Variants in PER2 observed in about 807,000 individuals in gnomAD.
PER2 encodes the protein period circadian protein homolog 2.
Under a neutral mutation model 121.0 loss-of-function variants are expected in PER2, and 66 were observed. That is an observed-to-expected ratio of 0.55 (90% confidence interval 0.45 to 0.67). The LOEUF (loss-of-function observed/expected upper bound fraction) is 0.67. Among genes scored for constraint, PER2 ranks in the 30% least tolerant of loss-of-function variants. The pLI is 0.00. For missense variants in PER2, 1,521 were observed against 1,635.0 expected (o/e 0.93, Z 1.20); for synonymous variants, 684 against 659.9 (o/e 1.04, Z -0.56).
intron 5 of PER2, among the ~76,000 whole-genome samples, chr2:238,272,491 A>C (rs981494139): frequency 6.6e-6 from 1 of 152,216 alleles, no homozygotes; most frequent in East Asian, 1.9e-4. Flanking sequence ...CTGGAGGAAG[A>C]AGATGGGAAG....
chr2:238,276,738 G>A (rs1014660939), intron 3 of PER2, among the ~76,000 whole-genome samples: 1 of 152,180 alleles, frequency 6.6e-6, no homozygotes, highest in Non-Finnish European at 1.5e-5. Flanking sequence ...AGGTTTCTCA[G>A]GCAATGCAAA....
Position 238,268,308 on chromosome 2 carries a change from C to CAGGCAGAGCAGAGG in PER2, c.825-111_825-110insCCTCTGCTCTGCCT. 1.4e-5 allele frequency: 16 copies of CAGGCAGAGCAGAGG among 1,141,748 alleles called. No homozygotes were observed. The highest frequency in any genetic ancestry group is 1.8e-5 in the Non-Finnish European group (14 of 780,864). The allele number at this position is 1,141,748 out of a possible 1,614,324, so 70.7% of individuals were successfully genotyped here. A position where few individuals can be genotyped will look rare whatever the true frequency, so the allele number is the denominator to read the frequency against. On this transcript the variant is annotated intron_variant, in intron 7 of 22. Transcript: ENST00000254657. This position sits in a 1 kb window ranked among gnomAD's most constrained non-coding sequence, Gnocchi z 4.0. ...GCCATGCTGCAGGTGATGTGTACCT[C>CAGGCAGAGCAGAGG]TGCTCTGCCTGAGGAGCTGGGCCTG...
Position 238,263,204 on chromosome 2 carries a change from C to G in PER2, c.1047-146G>C, listed in dbSNP as rs1695990702. 7.4e-6 allele frequency: 5 copies of G among 672,042 alleles called. No homozygotes were observed. The South Asian group carries it at 7.7e-5, about 10-fold the overall frequency. The allele number at this position is 672,042 out of a possible 1,614,324, so 41.6% of individuals were successfully genotyped here. A position where few individuals can be genotyped will look rare whatever the true frequency, so the allele number is the denominator to read the frequency against. ...CCCCGGAGATCAAAAGTTGGACTAA[C>G]AGAACCAGCTAGACTTTTAATCAAT... is the stretch of plus-strand genomic sequence containing the variant. On this transcript the variant is annotated intron_variant, in intron 9 of 22. Transcript: ENST00000254657.
intron 22 of PER2, among the ~76,000 whole-genome samples, chr2:238,247,966 T>C (rs1002282657): frequency 2.6e-5 from 4 of 152,228 alleles, no homozygotes; most frequent in African/African-American, 9.6e-5. Flanking sequence ...GGCTTGGACC[T>C]GTGTGGTGAT....
At chr2:238,293,044 CT>C (rs34255262), upstream of PER2, among the ~76,000 whole-genome samples, 30 of 146,640 alleles carry the variant, frequency 2.0e-4, no homozygotes, top group Admixed American at 4.1e-4. Context: ...CCTTGTTTTG[CT>C]TTTTTTTTTT....
At chr2:238,279,987 C>T (rs1696581916) in intron 1 of PER2, among the ~76,000 whole-genome samples, 1 of 152,200 alleles carries the variant, frequency 6.6e-6, no homozygotes, top group Non-Finnish European at 1.5e-5. Flanking sequence ...GCTCTACCAC[C>T]AGGAAGATGC....
upstream of PER2, among the ~76,000 whole-genome samples, chr2:238,294,880 G>A (rs964953775): frequency 3.3e-5 from 5 of 152,224 alleles, no homozygotes; most frequent in African/African-American, 1.2e-4. Context: ...CTTGGCGAAT[G>A]CAGGTGCTCC....
chr2:238,269,554 C>T (rs1431856580), intron 6 of PER2, among the ~76,000 whole-genome samples: 4 of 130,220 alleles, frequency 3.1e-5, no homozygotes, highest in African/African-American at 1.4e-4. Context: ...ACACACCAAC[C>T]TGCAACTGAA....
chr2:238,297,981 T>C, the PER2 span, among the ~76,000 whole-genome samples: 1 of 151,994 alleles, frequency 6.6e-6, no homozygotes, highest in African/African-American at 2.4e-5. Context: ...TCTTCCTTTT[T>C]TCTCCACTCT....
rs1695688412 is a variant in PER2, at chr2:238,253,999, C to A, written c.2321-297G>T. ...AATGCTAATATGATAAGTGGTAATA[C>A]AAAGTTCTATTTGTTAAATAAATAC... On this transcript the variant is annotated intron_variant, in intron 18 of 22. Coordinates refer to ENST00000254657, the MANE Select transcript of PER2 (RefSeq NM_022817.3). This position sits in a 1 kb window ranked among gnomAD's most constrained non-coding sequence, Gnocchi z 5.6. 6.6e-6 allele frequency among the ~76,000 whole-genome samples: 1 copy of A among 152,174 alleles called. No individual in the cohort carries two copies. Among genetic ancestry groups the A allele is most frequent in the African/African-American group, 2.4e-5 (1 of 41,442 alleles).
intron 3 of PER2, 22 bp from the exon 4 acceptor site, chr2:238,275,919 C>T (rs936477562): frequency 2.7e-5 from 44 of 1,613,756 alleles, no homozygotes; most frequent in Non-Finnish European, 3.6e-5. Context: ...AAGAAAGAGG[C>T]AGCCAAATGT....
At chr2:238,278,498 A>G (rs2106326001) in intron 1 of PER2, among the ~76,000 whole-genome samples, 1 of 152,346 alleles carries the variant, frequency 6.6e-6, no homozygotes, top group African/African-American at 2.4e-5. Context: ...AGCCCGACAT[A>G]GAGCTGCTGA....
rs80292232 is a variant in PER2 at position 238,253,169 on chromosome 2, G to A, written c.2854C>T (p.Arg952Trp). Residue 952 changes from arginine (R) to tryptophan (W), a missense_variant, in exon 19 of 23, where the codon CGG becomes TGG. Physicochemically the swap from Arg to Trp is moderately radical, Grantham distance 101. Transcript: ENST00000254657. This position sits in a 1 kb window ranked among gnomAD's most constrained non-coding sequence, Gnocchi z 5.6. ...ASASQPEFPS[R>W]TSIPRQPCAC... ...CATGGCTGTCTGGGGATCGAGGTCCGGCTGGGGAACTCAGGCTGTGAGGCA... is the reference window on the plus strand; with the variant it reads ...CATGGCTGTCTGGGGATCGAGGTCCAGCTGGGGAACTCAGGCTGTGAGGCA... The A allele has an allele frequency of 8.1e-6, 13 of 1,595,276 alleles. No individual in the cohort carries two copies. The highest frequency in any genetic ancestry group is 4.5e-5 in the East Asian group (2 of 44,526).
intron 8 of PER2, among the ~76,000 whole-genome samples, chr2:238,267,808 A>C (rs1242300850): frequency 6.6e-6 from 1 of 152,160 alleles, no homozygotes; most frequent in East Asian, 1.9e-4. Flanking sequence ...GGGTCACAGC[A>C]CTGGTGTGGA....
At chr2:238,292,818 A>T (rs1326210712), upstream of PER2, among the ~76,000 whole-genome samples, 2 of 148,088 alleles carry the variant, frequency 1.4e-5, no homozygotes, top group Non-Finnish European at 3.0e-5. Context: ...GCTCACTGCA[A>T]CCTCCGCTTC....
intron 21 of PER2, among the ~76,000 whole-genome samples, chr2:238,250,054 G>A (rs1273137017): frequency 1.3e-5 from 2 of 152,250 alleles, no homozygotes; most frequent in African/African-American, 2.4e-5. Flanking sequence ...TGCTCCGCAG[G>A]GGAAGGGACC....
At position 238,254,498 on chromosome 2, in the gene PER2, C is replaced by T. The variant is rs143368963; in HGVS notation, c.2321-796G>A. On this transcript the variant is annotated intron_variant, in intron 18 of 22. Coordinates refer to ENST00000254657, the MANE Select transcript of PER2 (RefSeq NM_022817.3). Reference sequence around the variant, plus strand: ...AAATGGGCTAGTCCAAGGCAAACTCCTATGTAAATGGAGGTTTTGCAATTC... The same window carrying T: ...AAATGGGCTAGTCCAAGGCAAACTCTTATGTAAATGGAGGTTTTGCAATTC... Among the ~76,000 whole-genome samples the T allele has an allele frequency of 9.8e-3, 1,500 of 152,320 alleles. 25 individuals are homozygous for T. The highest frequency in any genetic ancestry group is 0.034 in the African/African-American group (1,415 of 41,570).
rs773856114 is a variant in PER2 at position 238,277,124 on chromosome 2, G to C, written c.293+7C>G. On this transcript the variant is annotated splice_region_variant and intron_variant, in intron 3 of 22. Coordinates refer to ENST00000254657, the MANE Select transcript of PER2 (RefSeq NM_022817.3). ...ACCTCTATGTATGAAGTTCTAATTG[G>C]CCTTACCTGCAGCCACTTGTAGATG... 1 of 1,594,336 alleles carries C rather than the reference G, an allele frequency of 6.3e-7. No homozygotes were observed.
At chr2:238,248,985 G>C in intron 22 of PER2, 77 bp downstream of exon 22, 1 of 1,471,038 alleles carries the variant, frequency 6.8e-7, no homozygotes, top group Non-Finnish European at 9.5e-7. Flanking sequence ...TGACAGAAAA[G>C]TTGCAAAGAC....
Sources: allele counts gnomAD v4.1 joint callset (sites outside exome capture counted in the v4.1 genomes callset), GRCh38; gene constraint gnomAD v4.1.1; non-coding constraint Gnocchi (gnomAD v3.1); transcripts MANE v1.5; gene names NCBI Gene and HGNC (gene_info 2026-07-23, HGNC 2026-07-21).